The following CHRNB4 variants were observed in gnomAD, a reference collection of about 807,000 sequenced individuals.
CHRNB4 encodes cholinergic receptor nicotinic beta 4 subunit.
CHRNB4 carries 23 observed loss-of-function variants against 40.4 expected under a neutral mutation model. The ratio of observed to expected loss-of-function variants is 0.57; its 90% confidence interval spans 0.41 to 0.81. The LOEUF (loss-of-function observed/expected upper bound fraction) is 0.81. CHRNB4 is among the 30% of genes least tolerant of loss of function. The pLI is 0.00. For synonymous variants in CHRNB4, 285 were observed against 274.4 expected (o/e 1.04, Z -0.38); for missense variants, 568 against 670.6 (o/e 0.85, Z 1.69).
At chr15:78,638,582 C>T (rs1386833600) in intron 1 of CHRNB4, among the ~76,000 whole-genome samples, 1 of 151,766 alleles carries the variant, frequency 6.6e-6, no homozygotes, top group Non-Finnish European at 1.5e-5. Context: ...AGTGTGTGCC[C>T]ATGACTGCGC....
In CHRNB4 at chr15:78,641,076, C is replaced by A. The variant is rs1019252136; in HGVS notation, c.55+3G>T. On this transcript the variant is annotated splice_donor_region_variant and intron_variant, in intron 1 of 5. Coordinates refer to ENST00000261751, the MANE Select transcript of CHRNB4 (RefSeq NM_000750.5). ...CCTCCCTCCTTCCCCGAAAAGAACT[C>A]ACCGCGCCCGCAAAGGGCGACCAGG... The A allele has an allele frequency of 1.3e-6, 2 of 1,576,640 alleles. No homozygotes were observed. Among genetic ancestry groups the A allele is most frequent in the Non-Finnish European group, 1.7e-6 (2 of 1,161,590 alleles).
Position 78,629,768 on chromosome 15 carries a change from C to T in CHRNB4, c.537G>A (p.Thr179=), listed in dbSNP as rs374893518. 2.0e-5 allele frequency: 33 copies of T among 1,613,978 alleles called. No individual in the cohort carries two copies. In the African/African-American group the frequency reaches 2.8e-4, roughly 14 times the overall value. Residue 179 remains threonine, a synonymous_variant, in exon 5 of 6, where the codon ACG becomes ACA. Transcript: ENST00000261751. The surrounding 1 kb of genome is among the most constrained non-coding windows in gnomAD (Gnocchi z 6.8). ...GCGTCATGAGGACCATGTCTATCTC[C>T]GTGTGGTCATAGGTCCAGGAGCGGA... ...LKFRSWTYDH[T]EIDMVLMTPT... is the part of the protein sequence containing the mutation.
At chr15:78,632,131 C>T (rs2053825525) in intron 2 of CHRNB4, among the ~76,000 whole-genome samples, 1 of 144,926 alleles carries the variant, frequency 6.9e-6, no homozygotes, top group South Asian at 2.3e-4. Flanking sequence ...CCTGCCTTCT[C>T]TTTTTCTTTC....
chr15:78,636,970 G>A (rs1188520812), intron 1 of CHRNB4, among the ~76,000 whole-genome samples: 2 of 152,152 alleles, frequency 1.3e-5, no homozygotes, highest in Non-Finnish European at 2.9e-5. Context: ...GGTACGAGGT[G>A]GTGCTTTCCC....
Position 78,652,214 on chromosome 15 carries a change from A to G in CHRNB4, c.-16+364T>C, listed in dbSNP as rs141228911. 2.0e-4 allele frequency among the ~76,000 whole-genome samples: 30 copies of G among 152,370 alleles called. No individual in the cohort carries two copies. The East Asian group carries it at 5.8e-3, about 29-fold the overall frequency. On this transcript the variant is annotated intron_variant and NMD_transcript_variant, in intron 6 of 11. Transcript: ENST00000559849. ...CTGGGTCATGGGGCCATAGTCTCCCAGGCCCTGCTGCTCTCTGCTCTTCCC... is the reference window on the plus strand; with the variant it reads ...CTGGGTCATGGGGCCATAGTCTCCCGGGCCCTGCTGCTCTCTGCTCTTCCC...
upstream of CHRNB4, chr15:78,641,233 G>C (rs999996707): frequency 8.7e-7 from 1 of 1,151,292 alleles, no homozygotes; most frequent in African/African-American, 1.7e-5. Flanking sequence ...TGGCCCCCGA[G>C]GTTTGCTGGC....
chr15:78,625,430 T>A, intron 5 of CHRNB4, 139 bp from the exon 6 acceptor site: 1 of 762,010 alleles, frequency 1.3e-6, no homozygotes, highest in Non-Finnish European at 2.0e-6. Flanking sequence ...AAGTTCTGAG[T>A]CCCAGGCTGG....
At chr15:78,644,969 T>C (rs2054111060), upstream of CHRNB4, among the ~76,000 whole-genome samples, 1 of 152,176 alleles carries the variant, frequency 6.6e-6, no homozygotes, top group African/African-American at 2.4e-5. Flanking sequence ...AATTTCCTGA[T>C]GTTTTGACAG....
upstream of CHRNB4, chr15:78,661,026 G>T (rs2054248162): frequency 5.4e-6 from 3 of 551,536 alleles, no homozygotes; most frequent in Non-Finnish European, 1.0e-5. Context: ...TTTAATAAGA[G>T]GGTAGGCGCC....
exon 4 of CHRNB4, chr15:78,656,579 T>C (rs2054215794): frequency 6.6e-6 from 1 of 152,170 alleles, no homozygotes; most frequent in South Asian, 2.1e-4. Flanking sequence ...CTAAAAACTT[T>C]TATGATGAAC....
Position 78,625,022 on chromosome 15 carries a change from T to C in CHRNB4, c.*111A>G, listed in dbSNP as rs1231850560. On this transcript the variant is annotated 3_prime_UTR_variant, in exon 6 of 6. Transcript: ENST00000261751. ...GCTGTGGCTGGTTTGATGGGGTTGA[T>C]GGCCAATGCTCACATATTTACTTAG... The C allele has an allele frequency of 3.1e-6, 5 of 1,600,546 alleles. No homozygotes were observed. In the African/African-American group the frequency reaches 5.3e-5, roughly 17 times the overall value.
At chr15:78,644,776 AT>A (rs1320051369), upstream of CHRNB4, among the ~76,000 whole-genome samples, 1 of 152,158 alleles carries the variant, frequency 6.6e-6, no homozygotes, top group Non-Finnish European at 1.5e-5. Context: ...ATCCCAATAG[AT>A]TTTTTTGTGA....
chr15:78,635,501 T>C lies in CHRNB4; in HGVS notation c.142A>G (p.Thr48Ala), dbSNP rs761453830. 6.2e-7 allele frequency: 1 copy of C among 1,614,172 alleles called. No individual in the cohort carries two copies. The highest frequency in any genetic ancestry group is 8.5e-7 in the Non-Finnish European group (1 of 1,180,042). ...ATGGAGATGAGCTGTGAGGAGCTGGTGGCTGGGCGGATCAGGTTATTGTAA... is the reference window on the plus strand; with the variant it reads ...ATGGAGATGAGCTGTGAGGAGCTGGCGGCTGGGCGGATCAGGTTATTGTAA... ...TRYNNLIRPATSSSQLISIKL... is the reference protein window; with the variant it reads ...TRYNNLIRPAASSSQLISIKL... Residue 48 changes from threonine to alanine, a missense_variant, in exon 2 of 6, where the codon ACC becomes GCC. Thr to Ala is a moderately conservative substitution (Grantham distance 58). This residue lies in a region of CHRNB4 where 161 missense variants were observed against 148.1 expected (regional missense o/e 1.09). Coordinates refer to ENST00000261751, the MANE Select transcript of CHRNB4 (RefSeq NM_000750.5).
intron 1 of CHRNB4, among the ~76,000 whole-genome samples, chr15:78,639,896 G>C (rs550193524): frequency 1.3e-5 from 2 of 152,172 alleles, no homozygotes; most frequent in Non-Finnish European, 2.9e-5. Context: ...GATGGTGAAA[G>C]AAATGGCACA....
intron 6 of CHRNB4, among the ~76,000 whole-genome samples, chr15:78,650,534 C>T (rs2141408338): frequency 6.6e-6 from 1 of 152,304 alleles, no homozygotes; most frequent in East Asian, 1.9e-4. Context: ...ACCTGAACTG[C>T]CTTTCTCTGG....
rs901610400 is a variant in CHRNB4, at chr15:78,637,176, C to G, written c.56-1589G>C. ...AATACCGCCTCATGCAGGGAGCCCC[C>G]CTGACCTTCCATAGCCTCAAATCTG... On this transcript the variant is annotated intron_variant, in intron 1 of 5. Transcript: ENST00000261751. Among the ~76,000 whole-genome samples, 5 of 152,302 alleles carry G rather than the reference C, an allele frequency of 3.3e-5. No homozygotes were observed. The East Asian group carries it at 9.6e-4, about 29-fold the overall frequency.
upstream of CHRNB4, chr15:78,661,371 C>A (rs753233216): frequency 3.7e-6 from 2 of 533,646 alleles, no homozygotes; most frequent in Non-Finnish European, 7.3e-6. Context: ...CCCAAGACCA[C>A]GGCCATTTTG....
At chr15:78,658,835 C>G (rs979767638) in intron 1 of CHRNB4, among the ~76,000 whole-genome samples, 4 of 152,196 alleles carry the variant, frequency 2.6e-5, no homozygotes, top group East Asian at 1.9e-4. Context: ...GACCCTCCCC[C>G]AGAAATTCTA....
chr15:78,641,104 GA>G lies in CHRNB4; in HGVS notation c.29del (p.Phe10SerfsTer21). On this transcript the variant is annotated frameshift_variant, in exon 1 of 6. Transcript: ENST00000261751. LOFTEE classifies it high-confidence loss of function. MRRAPSLVL[F>X]FLVALCGRGN... is the part of the protein sequence containing the mutation. ...CGCGCCCGCAAAGGGCGACCAGGAA[GA>G]AAAGGACCAGGGAAGGCGCGCGCCT... 6.3e-7 allele frequency: 1 copy of G among 1,583,044 alleles called. No homozygotes were observed. Among genetic ancestry groups the G allele is most frequent in the South Asian group, 1.2e-5 (1 of 86,746 alleles).
Sources: allele counts gnomAD v4.1 joint callset (sites outside exome capture counted in the v4.1 genomes callset), GRCh38; gene constraint gnomAD v4.1.1; regional missense constraint gnomAD v4.1.1; non-coding constraint Gnocchi (gnomAD v3.1); transcripts MANE v1.5; gene names NCBI Gene and HGNC (gene_info 2026-07-23, HGNC 2026-07-21).